Variants in CARS1 observed in about 807,000 individuals in gnomAD.
The protein encoded by CARS1 is cysteinyl-tRNA synthetase 1.
CARS1 carries 48 observed loss-of-function variants against 106.2 expected under a neutral mutation model. The observed-to-expected ratio is 0.45, with a 90% CI of 0.36 to 0.57. The LOEUF (loss-of-function observed/expected upper bound fraction) is 0.57, where lower values mean the gene tolerates loss of function less well. Among genes scored for constraint, CARS1 ranks in the 20% least tolerant of loss-of-function variants. The pLI is 0.00. For synonymous variants in CARS1, 409 were observed against 403.4 expected (o/e 1.01, Z -0.17); for missense variants, 968 against 1,057.2 (o/e 0.92, Z 1.17).
rs547774719 is a variant in CARS1 at position 3,015,642 on chromosome 11, T to C, written c.1986+139A>G. 55 of 733,876 alleles carry C rather than the reference T, an allele frequency of 7.5e-5. 1 individual carries two copies. The highest frequency in any genetic ancestry group is 1.1e-4 in the African/African-American group (6 of 55,534). 45.5% of individuals were successfully genotyped at this position (733,876 alleles called of 1,614,324 possible). ...ACACTTAGCACTCTCAGAGCCAGAA[T>C]TGCCATTTAGCTCGAGGCGCTGTCC... On this transcript the variant is annotated intron_variant, in intron 17 of 22. Coordinates refer to ENST00000380525, the MANE Select transcript of CARS1 (RefSeq NM_001014437.3).
rs1213587509 is a variant in CARS1 at position 3,003,870 on chromosome 11, T to C, written c.2218-1270A>G. ...GGGATGCCTTCTTGCAGCAGCTTGG[T>C]GAGGTAAGAGTCCCTTGGTTGGGAA... On this transcript the variant is annotated intron_variant, in intron 20 of 22. Transcript: ENST00000380525. The surrounding 1 kb of genome is among the most constrained non-coding windows in gnomAD (Gnocchi z 4.8). Among the ~76,000 whole-genome samples, 1 of 151,996 alleles carries C rather than the reference T, an allele frequency of 6.6e-6. No homozygotes were observed. The highest frequency in any genetic ancestry group is 1.9e-4 in the East Asian group (1 of 5,178).
At chr11:3,031,396 C>A (rs1852744018) in intron 7 of CARS1, 1 of 152,024 alleles carries the variant, frequency 6.6e-6, no homozygotes, top group South Asian at 2.1e-4. Flanking sequence ...CTGCTTCCCA[C>A]CAATACTTCT....
At chr11:3,007,056 C>T (rs1475862157) in intron 18 of CARS1, 97 bp from the exon 19 acceptor site, 5 of 1,003,200 alleles carry the variant, frequency 5.0e-6, no homozygotes, top group Non-Finnish European at 7.8e-6. Flanking sequence ...GGCCGTGGCC[C>T]ACAGAACAAG....
Position 3,002,548 on chromosome 11 carries a change from TC to T in CARS1, c.2269del (p.Glu757AsnfsTer10). 1 of 1,614,204 alleles carries T rather than the reference TC, an allele frequency of 6.2e-7. No homozygotes were observed. The highest frequency in any genetic ancestry group is 8.5e-7 in the Non-Finnish European group (1 of 1,180,018). On this transcript the variant is annotated frameshift_variant, in exon 21 of 23. Coordinates refer to ENST00000380525, the MANE Select transcript of CARS1 (RefSeq NM_001014437.3). LOFTEE classifies it high-confidence loss of function. ...KKEEAARRKQ[E>X]QEAAKLAKMK... ...CCAAACAAAATGCATTACTTCTTGTTCCTGTTTCCTCCGGGCCGCCTCCTCT... is the reference window on the plus strand; with the variant it reads ...CCAAACAAAATGCATTACTTCTTGTTCTGTTTCCTCCGGGCCGCCTCCTCT...
rs997326856 is a variant in CARS1, at chr11:3,043,279, G to A, written c.275-1023C>T. On this transcript the variant is annotated intron_variant, in intron 2 of 22. Transcript: ENST00000380525. The surrounding 1 kb of genome is among the most constrained non-coding windows in gnomAD (Gnocchi z 4.0). ...AGCTCTGTCCCTGGGGCCAGGGGCA[G>A]CCACAGGGTGATTATTCACCCTCTG... Among the ~76,000 whole-genome samples, 7 of 152,074 alleles carry A rather than the reference G, an allele frequency of 4.6e-5. No homozygotes were observed. Among genetic ancestry groups the A allele is most frequent in the Non-Finnish European group, 1.0e-4 (7 of 68,006 alleles).
At position 3,020,137 on chromosome 11, in the gene CARS1, G is replaced by T; in HGVS notation, c.1266+83C>A. On this transcript the variant is annotated intron_variant, in intron 11 of 22. Coordinates refer to ENST00000380525, the MANE Select transcript of CARS1 (RefSeq NM_001014437.3). This position sits in a 1 kb window ranked among gnomAD's most constrained non-coding sequence, Gnocchi z 4.6. ...AGTGACAACATCCTTCACACACAGA[G>T]CGGCCCTCTGCTGGGGGCCTGAGAG... 1 of 838,194 alleles carries T rather than the reference G, an allele frequency of 1.2e-6. No homozygotes were observed. The allele number at this position is 838,194 out of a possible 1,614,324, so 51.9% of individuals were successfully genotyped here. A position where few individuals can be genotyped will look rare whatever the true frequency, so the allele number is the denominator to read the frequency against.
chr11:3,005,307 C>G (rs747561429), intron 20 of CARS1, 59 bp downstream of exon 20: 1 of 1,252,558 alleles, frequency 8.0e-7, no homozygotes, highest in Non-Finnish European at 1.2e-6. Context: ...ATGTAATAAT[C>G]GCAATGGTTT....
intron 18 of CARS1, among the ~76,000 whole-genome samples, chr11:3,010,326 C>A (rs1489782979): frequency 6.6e-6 from 1 of 152,226 alleles, no homozygotes; most frequent in Non-Finnish European, 1.5e-5. Flanking sequence ...CCTTCGATGT[C>A]CCCCAGAAGG....
At position 3,029,214 on chromosome 11, in the gene CARS1, C is replaced by T; in HGVS notation, c.942+89G>A. ...CTCAAGTTCAATGTTGACTTGGCCG[C>T]TTAATTGAGCTGGCCTTGCCAAAAC... is the stretch of plus-strand genomic sequence containing the variant. On this transcript the variant is annotated intron_variant, in intron 8 of 22. Coordinates refer to ENST00000380525, the MANE Select transcript of CARS1 (RefSeq NM_001014437.3). This position sits in a 1 kb window ranked among gnomAD's most constrained non-coding sequence, Gnocchi z 5.9. The T allele has an allele frequency of 6.6e-7, 1 of 1,514,150 alleles. No homozygotes were observed. 93.8% of individuals were successfully genotyped at this position (1,514,150 alleles called of 1,614,324 possible). A position where few individuals can be genotyped will look rare whatever the true frequency, so the allele number is the denominator to read the frequency against.
intron 7 of CARS1, among the ~76,000 whole-genome samples, chr11:3,032,474 G>A (rs1013949685): frequency 6.6e-6 from 1 of 152,138 alleles, no homozygotes; most frequent in Non-Finnish European, 1.5e-5. Context: ...TGTCAGATCT[G>A]ACGCTTCCTC....
chr11:3,017,790 C>G lies in CARS1; in HGVS notation c.1727+67G>C, dbSNP rs921280418. 9.5e-7 allele frequency: 1 copy of G among 1,057,892 alleles called. No individual in the cohort carries two copies. Among genetic ancestry groups the G allele is most frequent in the Non-Finnish European group, 1.5e-6 (1 of 678,328 alleles). 65.5% of individuals were successfully genotyped at this position (1,057,892 alleles called of 1,614,324 possible). ...TCGACAGTCCAGGACACATGGTGGC[C>G]AAGATGCGAGGCTAGGCATAGAACA... On this transcript the variant is annotated intron_variant, in intron 15 of 22. Coordinates refer to ENST00000380525, the MANE Select transcript of CARS1 (RefSeq NM_001014437.3). This position sits in a 1 kb window ranked among gnomAD's most constrained non-coding sequence, Gnocchi z 4.9.
At chr11:3,027,839 G>A (rs528327855) in intron 9 of CARS1, 3 of 454,734 alleles carry the variant, frequency 6.6e-6, no homozygotes, top group Admixed American at 2.3e-5. Context: ...TAAGTGTCAA[G>A]GAAAAACACC....
intron 7 of CARS1, among the ~76,000 whole-genome samples, chr11:3,032,060 CTCCTTCCT>C (rs1217924867): frequency 0.086 from 1,705 of 19,792 alleles, 62 homozygotes; most frequent in South Asian, 0.16. Flanking sequence ...CCCTCCCTCC[CTCCTTCCT>C]TCCTTCCTTC....
At chr11:3,014,449 C>T (rs1310501723) in intron 17 of CARS1, among the ~76,000 whole-genome samples, 1 of 152,228 alleles carries the variant, frequency 6.6e-6, no homozygotes, top group Admixed American at 6.5e-5. Flanking sequence ...CTGCAAAGGC[C>T]AAATGAGGCT....
At chr11:3,049,813 G>A (rs1448001657) in intron 1 of CARS1, among the ~76,000 whole-genome samples, 1 of 152,178 alleles carries the variant, frequency 6.6e-6, no homozygotes, top group Admixed American at 6.5e-5. Context: ...TTTACTCCTG[G>A]CACAGAGCCA....
At chr11:3,032,060 CTCCTTCCTTCCT>C (rs1217924867) in intron 7 of CARS1, among the ~76,000 whole-genome samples, 258 of 20,030 alleles carry the variant, frequency 0.013, 7 homozygotes, top group South Asian at 0.02. Context: ...CCCTCCCTCC[CTCCTTCCTTCCT>C]TCCTTCCTTC....
In CARS1 at chr11:3,038,059, G is replaced by T; in HGVS notation, c.792C>A (p.Ser264Arg). ...ATGTGTGAAGCCTCACCTCCACACA[G>T]CTGTTGACTTCCTCTCCCGTGAGTC... is the stretch of plus-strand genomic sequence containing the variant. ...QSRLTGEEVNSCVEVLLEEAK... is the reference protein window; with the variant it reads ...QSRLTGEEVNRCVEVLLEEAK... Residue 264 changes from serine (S) to arginine (R), a missense_variant, in exon 7 of 23, where the codon AGC becomes AGA. Coordinates refer to ENST00000380525, the MANE Select transcript of CARS1 (RefSeq NM_001014437.3). The surrounding 1 kb of genome is among the most constrained non-coding windows in gnomAD (Gnocchi z 4.0). 1 of 1,613,272 alleles carries T rather than the reference G, an allele frequency of 6.2e-7. No homozygotes were observed. Among genetic ancestry groups the T allele is most frequent in the Non-Finnish European group, 8.5e-7 (1 of 1,179,274 alleles).
In CARS1 at chr11:3,035,258, G is replaced by A. The variant is rs921963747; in HGVS notation, c.801+2792C>T. On this transcript the variant is annotated intron_variant, in intron 7 of 22. Transcript: ENST00000380525. ...GTAAGAAAAGGACCAATAACCTCAT[G>A]GGAAAGGGGGAGAGATGGGGGCACA... Among the ~76,000 whole-genome samples, 4 of 152,112 alleles carry A rather than the reference G, an allele frequency of 2.6e-5. No individual in the cohort carries two copies. The East Asian group carries it at 7.7e-4, about 29-fold the overall frequency.
chr11:3,026,797 G>C lies in CARS1; in HGVS notation c.1032C>G (p.Gly344=), dbSNP rs1291016890. 2 of 1,609,434 alleles carry C rather than the reference G, an allele frequency of 1.2e-6. No individual in the cohort carries two copies. The highest frequency in any genetic ancestry group is 2.2e-5 in the East Asian group (1 of 44,786). ...FVQKIVDNGY[G]YVSNGSVYFD... ...AGTAGACAGACCCATTGGAGACATA[G>C]CTGGAAAACAGAAAAGGAATTGGGT... The change falls in exon 10 of 23, where the codon GGC becomes GGG. Residue 344 remains glycine (G), a splice_region_variant and synonymous_variant. Coordinates refer to ENST00000380525, the MANE Select transcript of CARS1 (RefSeq NM_001014437.3).
Sources: gnomAD v4.1 joint callset for allele counts (sites outside exome capture counted in the v4.1 genomes callset) on GRCh38, gnomAD v4.1.1 for gene constraint, Gnocchi (gnomAD v3.1) non-coding constraint, MANE v1.5 for transcripts, NCBI Gene and HGNC (gene_info 2026-07-23, HGNC 2026-07-21) for gene names.